The following WDR11 variants were observed in gnomAD, a reference collection of about 807,000 sequenced individuals.
WDR11 encodes the protein WD repeat domain 11.
In WDR11, 83 loss-of-function variants were observed where a neutral mutation model predicts 151.2. The observed-to-expected ratio is 0.55, with a 90% CI of 0.46 to 0.66. WDR11 has a LOEUF of 0.66. Ranked by LOEUF, WDR11 falls within the 30% of genes least tolerant of loss-of-function variation. The pLI is 0.00. For synonymous variants in WDR11, 484 were observed against 533.1 expected (o/e 0.91, Z 1.27); for missense variants, 1,301 against 1,480.9 (o/e 0.88, Z 1.99).
intron 19 of WDR11, among the ~76,000 whole-genome samples, chr10:120,895,845 C>T (rs1037629171): frequency 5.9e-5 from 9 of 152,248 alleles, no homozygotes; most frequent in African/African-American, 1.9e-4. Flanking sequence ...GTTGGCAAGG[C>T]TATGAGGAAA....
intron 6 of WDR11, 105 bp from the exon 7 acceptor site, chr10:120,865,525 T>G: frequency 6.4e-6 from 5 of 784,352 alleles, no homozygotes; most frequent in Non-Finnish European, 1.0e-5. Context: ...ATTTGTCTAT[T>G]TTTTTTTCTT....
At chr10:120,897,551 A>G (rs1423219300) in intron 19 of WDR11, among the ~76,000 whole-genome samples, 2 of 152,242 alleles carry the variant, frequency 1.3e-5, no homozygotes, top group Non-Finnish European at 2.9e-5. Flanking sequence ...AATGCAGTGA[A>G]AAGTACACAG....
In WDR11 at chr10:120,890,897, C is replaced by G; in HGVS notation, c.2515+10C>G. 2 of 1,614,052 alleles carry G rather than the reference C, an allele frequency of 1.2e-6. No individual in the cohort carries two copies. The highest frequency in any genetic ancestry group is 2.7e-5 in the African/African-American group (2 of 75,042). On this transcript the variant is annotated intron_variant, in intron 19 of 28. Transcript: ENST00000263461. ...GAACAAGAGTTAACCGGTATGGAAT[C>G]CTAATGATAGGGGGCTTTGAAACCT...
At chr10:120,880,922 A>T (rs771959296) in intron 13 of WDR11, 21 bp downstream of exon 13, 10 of 1,571,774 alleles carry the variant, frequency 6.4e-6, no homozygotes, top group Non-Finnish European at 8.7e-6. Flanking sequence ...ACCTAAAAAA[A>T]AATCTATGGT....
chr10:120,852,732 G>A lies in WDR11; in HGVS notation c.198+97G>A, dbSNP rs981409411. 1.3e-5 allele frequency: 14 copies of A among 1,045,166 alleles called. No homozygotes were observed. In the African/African-American group the frequency reaches 1.4e-4, roughly 11 times the overall value. The allele number at this position is 1,045,166 out of a possible 1,614,324, so 64.7% of individuals were successfully genotyped here. A position where few individuals can be genotyped will look rare whatever the true frequency, so the allele number is the denominator to read the frequency against. On this transcript the variant is annotated intron_variant, in intron 2 of 28. Transcript: ENST00000263461. ...TCATTAAGTCTTACGTGTAAGTGTT[G>A]AATAGCTTTTAAATATAACAACCTA...
At chr10:120,905,702 C>G (rs888154110) in intron 26 of WDR11, 174 bp from the exon 27 acceptor site, 11 of 1,209,420 alleles carry the variant, frequency 9.1e-6, no homozygotes, top group Non-Finnish European at 2.3e-6. Flanking sequence ...CCCTGGGTCC[C>G]GTAGGCACAG....
intron 16 of WDR11, 100 bp from the exon 17 acceptor site, chr10:120,888,978 T>C (rs1847321477): frequency 1.1e-6 from 1 of 912,698 alleles, no homozygotes; most frequent in Non-Finnish European, 1.7e-6. Context: ...AAAAGCATAC[T>C]AAAGCACAGC....
At chr10:120,877,890 A>G (rs992784903) in intron 11 of WDR11, among the ~76,000 whole-genome samples, 3 of 152,236 alleles carry the variant, frequency 2.0e-5, no homozygotes, top group African/African-American at 4.8e-5. Context: ...GTGATGCTTT[A>G]TGAATATCTG....
At chr10:120,871,453 G>A (rs1399619411) in intron 10 of WDR11, 107 bp downstream of exon 10, 18 of 1,198,436 alleles carry the variant, frequency 1.5e-5, no homozygotes, top group Admixed American at 2.2e-5. Flanking sequence ...TTTAAAAGGA[G>A]ATAGAGACTA....
At chr10:120,860,357 TACAC>T in intron 4 of WDR11, 75 bp downstream of exon 4, 1 of 1,494,442 alleles carries the variant, frequency 6.7e-7, no homozygotes, top group African/African-American at 1.4e-5. Flanking sequence ...GCATGAGATA[TACAC>T]ACACATTATA....
At chr10:120,881,889 C>T (rs1371285349) in intron 13 of WDR11, among the ~76,000 whole-genome samples, 3 of 151,950 alleles carry the variant, frequency 2.0e-5, no homozygotes, top group African/African-American at 7.3e-5. Flanking sequence ...TTGATTAGAA[C>T]TGAGATGTCA....
chr10:120,864,721 A>G (rs1846255842), intron 5 of WDR11, among the ~76,000 whole-genome samples: 1 of 152,190 alleles, frequency 6.6e-6, no homozygotes, highest in Non-Finnish European at 1.5e-5. Flanking sequence ...GTAAAAGTAA[A>G]ATAAAACTGT....
At position 120,860,288 on chromosome 10, in the gene WDR11, TA is replaced by T. The variant is rs764499003; in HGVS notation, c.526+8del. 2.5e-6 allele frequency: 4 copies of T among 1,612,818 alleles called. No homozygotes were observed. The highest frequency in any genetic ancestry group is 3.4e-6 in the Non-Finnish European group (4 of 1,179,834). ...TGATCCCTCACATTTAACTTGTGAG[TA>T]ACAGTTGCTTGTGGAAAATGAGTTA... is the stretch of plus-strand genomic sequence containing the variant. On this transcript the variant is annotated splice_region_variant and intron_variant, in intron 4 of 28. Transcript: ENST00000263461.
intron 20 of WDR11, 24 bp from the exon 21 acceptor site, chr10:120,901,012 T>C (rs201251117): frequency 6.6e-7 from 1 of 1,523,264 alleles, no homozygotes; most frequent in Non-Finnish European, 9.1e-7. Flanking sequence ...GATAATGAAC[T>C]CATTCAAAAT....
At position 120,900,047 on chromosome 10, in the gene WDR11, A is replaced by G. The variant is rs756842353; in HGVS notation, c.2534A>G (p.Tyr845Cys). The G allele has an allele frequency of 2.1e-5, 34 of 1,613,764 alleles. No homozygotes were observed. Among genetic ancestry groups the G allele is most frequent in the Admixed American group, 3.3e-5 (2 of 59,992 alleles). ...TGTCTAGAGCCTGTGTGGTGCCCCT[A>G]TCTCCTTGTTCCAAGGGCCTCTCTT... ...QELTEPVWCP[Y>C]LLVPRASLAL... Residue 845 changes from tyrosine to cysteine, a missense_variant, in exon 20 of 29, where the codon TAT becomes TGT. Around this residue, in one of 3 missense-constraint regions of WDR11, gnomAD observed 589 missense variants for 670.6 expected, o/e 0.88. Transcript: ENST00000263461.
intron 2 of WDR11, among the ~76,000 whole-genome samples, chr10:120,855,847 A>G (rs991789743): frequency 6.6e-6 from 1 of 151,878 alleles, no homozygotes; most frequent in Non-Finnish European, 1.5e-5. Context: ...TGTGTCTTCT[A>G]TTTTTCTTGC....
At chr10:120,899,521 G>A (rs77786669) in intron 19 of WDR11, among the ~76,000 whole-genome samples, 7,419 of 152,208 alleles carry the variant, frequency 0.049, 626 homozygotes, top group African/African-American at 0.17. Flanking sequence ...GGTAGCTCAT[G>A]CCTATAATCC....
chr10:120,880,996 C>A, intron 13 of WDR11, 95 bp downstream of exon 13: 3 of 1,089,644 alleles, frequency 2.8e-6, no homozygotes, highest in Admixed American at 2.0e-5. Flanking sequence ...TGCTGGAATG[C>A]ATATGGAATC....
chr10:120,908,447 T>A, intron 28 of WDR11, 109 bp from the exon 29 acceptor site: 9 of 1,211,482 alleles, frequency 7.4e-6, no homozygotes, highest in Non-Finnish European at 9.7e-6. Flanking sequence ...ACCAGGTCCC[T>A]TCCGAGCAGC....
Sources: allele counts gnomAD v4.1 joint callset (sites outside exome capture counted in the v4.1 genomes callset), GRCh38; gene constraint gnomAD v4.1.1; regional missense constraint gnomAD v4.1.1; transcripts MANE v1.5; gene names NCBI Gene and HGNC (gene_info 2026-07-23, HGNC 2026-07-21).